The following RALY variants were observed in gnomAD, a reference collection of about 807,000 sequenced individuals.
RALY encodes RALY heterogeneous nuclear ribonucleoprotein, also known as RNA-binding protein Raly.
In RALY, 15 loss-of-function variants were observed where a neutral mutation model predicts 30.7. The ratio of observed to expected loss-of-function variants is 0.49; its 90% CI spans 0.33 to 0.75. The LOEUF is 0.75. Among genes scored for constraint, RALY ranks in the 30% least tolerant of loss-of-function variants. The pLI is 0.02. For missense variants in RALY, 339 were observed against 414.3 expected, an observed-to-expected ratio of 0.82 and a Z score of 1.58; for synonymous variants, 177 against 170.8, an observed-to-expected ratio of 1.04 and a Z score of -0.28.
chr20:34,010,415 A>G (rs955678464), intron 1 of RALY, among the ~76,000 whole-genome samples: 1 of 151,990 alleles, frequency 6.6e-6, no homozygotes, highest in Non-Finnish European at 1.5e-5. Flanking sequence ...TTTATTTTGT[A>G]GGGATAGGGT....
intron 2 of RALY, among the ~76,000 whole-genome samples, chr20:34,045,656 T>C (rs2032855338): frequency 6.6e-6 from 1 of 152,236 alleles, no homozygotes; most frequent in African/African-American, 2.4e-5. Context: ...TTGGCCAATA[T>C]TAACTTGAAT....
chr20:34,064,602 G>A (rs1164817602), intron 2 of RALY, among the ~76,000 whole-genome samples: 2 of 152,144 alleles, frequency 1.3e-5, no homozygotes, highest in African/African-American at 4.8e-5. Flanking sequence ...GGACAAGGGA[G>A]AGCATGCATA....
intron 2 of RALY, among the ~76,000 whole-genome samples, chr20:34,041,121 C>T (rs913636620): frequency 3.9e-5 from 6 of 152,164 alleles, no homozygotes; most frequent in African/African-American, 1.4e-4. Context: ...AACAGAGTCC[C>T]TAGTGAAAAG....
intron 1 of RALY, among the ~76,000 whole-genome samples, chr20:34,011,032 T>TGGG (rs11325275): frequency 7.6e-5 from 6 of 78,654 alleles, no homozygotes; most frequent in Non-Finnish European, 1.1e-4. Context: ...ATAAACTGGG[T>TGGG]GGGGGGGGGG....
intron 1 of RALY, among the ~76,000 whole-genome samples, chr20:34,026,774 C>T (rs746022000): frequency 2.0e-5 from 3 of 152,230 alleles, no homozygotes; most frequent in East Asian, 3.9e-4. Context: ...GCACTCCTTA[C>T]ATCTCCCTTG....
chr20:34,028,039 C>T (rs1439937226), intron 1 of RALY, among the ~76,000 whole-genome samples: 1 of 152,162 alleles, frequency 6.6e-6, no homozygotes, highest in African/African-American at 2.4e-5. Flanking sequence ...CACCTGTGAT[C>T]CCAGCACTTT....
intron 2 of RALY, chr20:34,049,133 C>T (rs1368376077): frequency 6.5e-6 from 1 of 153,714 alleles, no homozygotes; most frequent in Non-Finnish European, 1.5e-5. Flanking sequence ...TCAGCTTTCC[C>T]TTCAGAGCCT....
chr20:34,014,024 G>A (rs2031513214), intron 1 of RALY, among the ~76,000 whole-genome samples: 1 of 152,206 alleles, frequency 6.6e-6, no homozygotes, highest in Non-Finnish European at 1.5e-5. Flanking sequence ...TAAATAAGCA[G>A]CAAAAGGTTA....
intron 1 of RALY, among the ~76,000 whole-genome samples, chr20:34,003,866 C>G (rs1004495692): frequency 6.6e-6 from 1 of 152,064 alleles, no homozygotes; most frequent in Non-Finnish European, 1.5e-5. Flanking sequence ...GTCTCGATCT[C>G]CTGACCTCGT....
At chr20:34,052,495 C>T (rs1255774549) in intron 2 of RALY, among the ~76,000 whole-genome samples, 5 of 152,186 alleles carry the variant, frequency 3.3e-5, no homozygotes, top group Non-Finnish European at 5.9e-5. Flanking sequence ...ACTATTGTTC[C>T]TTTTCTAGCC....
intron 3 of RALY, among the ~76,000 whole-genome samples, chr20:34,073,205 CTG>C (rs1269343231): frequency 2.6e-5 from 4 of 151,688 alleles, no homozygotes; most frequent in Admixed American, 1.3e-4. Context: ...GAGTGTGGCT[CTG>C]TGTATGCGTT....
chr20:34,072,559 C>T (rs2033757700), intron 3 of RALY, among the ~76,000 whole-genome samples: 1 of 152,224 alleles, frequency 6.6e-6, no homozygotes, highest in Non-Finnish European at 1.5e-5. Context: ...CTCAGAGCTT[C>T]TTAGTGACAG....
rs2033905876 is a variant in RALY, at chr20:34,077,069, GGCGGTGGTGGTGGCA to G, written c.708_722del (p.Ser244_Gly248del). ...TGATGGAGGTGGCGCCGGCGGCGGC[GGCGGTGGTGGTGGCA>G]GCGGTGGCGGTGGCAGTGGTGGTGG... On this transcript the variant is annotated inframe_deletion, in exon 8 of 10. Transcript: ENST00000246194. 1 of 1,605,956 alleles carries G rather than the reference GGCGGTGGTGGTGGCA, an allele frequency of 6.2e-7. No homozygotes were observed. The highest frequency in any genetic ancestry group is 8.5e-7 in the Non-Finnish European group (1 of 1,176,388).
intron 2 of RALY, among the ~76,000 whole-genome samples, chr20:34,047,431 C>G (rs995171059): frequency 2.0e-5 from 3 of 152,136 alleles, no homozygotes; most frequent in Non-Finnish European, 4.4e-5. Flanking sequence ...ATTGCCAGCT[C>G]CATTGAATGG....
At position 34,077,793 on chromosome 20, in the gene RALY, A is replaced by G. The variant is rs573129046; in HGVS notation, c.876+548A>G. ...GATATGGGTTGTACACTTGCTGCTC[A>G]TTTACTTAATGAGCGCTCATTGAGC... On this transcript the variant is annotated intron_variant, in intron 8 of 9. Transcript: ENST00000246194. 2.5e-4 allele frequency: 46 copies of G among 185,648 alleles called. No individual in the cohort carries two copies. The East Asian group carries it at 7.7e-3, about 31-fold the overall frequency. 11.5% of individuals were successfully genotyped at this position (185,648 alleles called of 1,614,324 possible). A position where few individuals can be genotyped will look rare whatever the true frequency, so the allele number is the denominator to read the frequency against.
chr20:34,035,175 A>AAAAAAAAAAAAAC (rs1568669726), intron 2 of RALY, among the ~76,000 whole-genome samples: 7 of 138,792 alleles, frequency 5.0e-5, no homozygotes, highest in Non-Finnish European at 9.2e-5. Flanking sequence ...AAAAAAAAAA[A>AAAAAAAAAAAAAC]AAAAAAAAAA....
intron 1 of RALY, among the ~76,000 whole-genome samples, chr20:34,009,590 A>G (rs992836831): frequency 2.0e-5 from 3 of 152,148 alleles, no homozygotes; most frequent in South Asian, 4.1e-4. Context: ...TCCATGCTTT[A>G]GAAGCTTGTA....
At chr20:34,074,576 TCA>T (rs2033822402) in intron 5 of RALY, among the ~76,000 whole-genome samples, 1 of 152,134 alleles carries the variant, frequency 6.6e-6, no homozygotes, top group South Asian at 2.1e-4. Context: ...GTGAGTCGTT[TCA>T]GGAGACAGTG....
At chr20:34,032,203 T>C (rs1277575478) in intron 2 of RALY, among the ~76,000 whole-genome samples, 2 of 152,218 alleles carry the variant, frequency 1.3e-5, no homozygotes, top group Non-Finnish European at 2.9e-5. Flanking sequence ...CCTCAGGTGA[T>C]CTGCCTGCCT....
Sources: allele counts gnomAD v4.1 joint callset (sites outside exome capture counted in the v4.1 genomes callset), GRCh38; gene constraint gnomAD v4.1.1; transcripts MANE v1.5; gene names NCBI Gene and HGNC (gene_info 2026-07-23, HGNC 2026-07-21).